The following PPFIA1 variants were observed in gnomAD, a reference collection of about 807,000 sequenced individuals.
PPFIA1 encodes liprin-alpha-1.
In PPFIA1, 25 loss-of-function variants were observed where a neutral mutation model predicts 149.9. The observed-to-expected ratio is 0.17, with a 90% CI of 0.12 to 0.23. PPFIA1 has a LOEUF of 0.23. PPFIA1 is among the 10% of genes least tolerant of loss of function. The probability of loss-of-function intolerance (pLI) is 1.00; values close to 1 mark genes in which losing one functional copy is unlikely to be tolerated. For missense variants in PPFIA1, 1,362 were observed against 1,506.5 expected, an observed-to-expected ratio of 0.90 and a Z score of 1.59; for synonymous variants, 549 against 552.8, an observed-to-expected ratio of 0.99 and a Z score of 0.10.
Position 70,344,988 on chromosome 11 carries a change from G to A in PPFIA1, c.1931+1096G>A, listed in dbSNP as rs573763192. ...AGACCCAACTGGGGCAGGAGGCCTC[G>A]GGGCCATCAGCCACCACTTGGAACT... On this transcript the variant is annotated intron_variant, in intron 15 of 27. Transcript: ENST00000253925. Among the ~76,000 whole-genome samples the A allele has an allele frequency of 4.5e-4, 68 of 152,052 alleles. No homozygotes were observed. The South Asian group carries it at 6.9e-3, about 15-fold the overall frequency.
intron 19 of PPFIA1, among the ~76,000 whole-genome samples, 183 bp downstream of exon 19, chr11:70,356,437 A>G (rs1381465600): frequency 6.6e-6 from 1 of 152,108 alleles, no homozygotes. Context: ...TTTCGAAGAA[A>G]CTCACACTGG....
At chr11:70,333,412 C>T in intron 9 of PPFIA1, 58 bp from the exon 10 acceptor site, 1 of 1,365,024 alleles carries the variant, frequency 7.3e-7, no homozygotes. Flanking sequence ...CAGTGGTATG[C>T]AGCATGTCGT....
At position 70,355,702 on chromosome 11, in the gene PPFIA1, G is replaced by A. The variant is rs550694136; in HGVS notation, c.2379G>A (p.Ser793=). The A allele has an allele frequency of 3.1e-6, 5 of 1,614,086 alleles. No individual in the cohort carries two copies. The East Asian group carries it at 1.1e-4, about 36-fold the overall frequency. ...GCAGTAGCAACAGTAGCCAGGACTC[G>A]CTCCACAAAGCCCCAAAGAAGAAAG... is the stretch of plus-strand genomic sequence containing the variant. ...NPSSSNSSQD[S]LHKAPKKKGI... Residue 793 remains serine, a synonymous_variant, in exon 18 of 28, where the codon TCG becomes TCA. Transcript: ENST00000253925.
intron 26 of PPFIA1, among the ~76,000 whole-genome samples, chr11:70,380,735 C>CAA (rs113647001): frequency 4.8e-5 from 5 of 104,162 alleles, no homozygotes; most frequent in Non-Finnish European, 6.5e-5. Context: ...AACTCTGTCT[C>CAA]AAAAAAAAAA....
intron 21 of PPFIA1, among the ~76,000 whole-genome samples, chr11:70,367,020 C>T (rs1171014657): frequency 6.6e-6 from 1 of 152,090 alleles, no homozygotes; most frequent in Non-Finnish European, 1.5e-5. Context: ...ATGAATTATA[C>T]AGGGTACATT....
At chr11:70,283,497 C>T (rs2050901749) in intron 2 of PPFIA1, among the ~76,000 whole-genome samples, 1 of 152,156 alleles carries the variant, frequency 6.6e-6, no homozygotes, top group Non-Finnish European at 1.5e-5. Context: ...AAAAAGAAGT[C>T]TACCTGTGTC....
At chr11:70,341,614 A>G (rs1200664170) in intron 14 of PPFIA1, among the ~76,000 whole-genome samples, 1 of 152,176 alleles carries the variant, frequency 6.6e-6, no homozygotes. Context: ...ATCTAGAACT[A>G]GAGATGAAAA....
intron 8 of PPFIA1, 46 bp downstream of exon 8, chr11:70,330,365 T>C: frequency 6.7e-7 from 1 of 1,492,264 alleles, no homozygotes; most frequent in Non-Finnish European, 9.0e-7. Flanking sequence ...TAATTATTAA[T>C]GAAGTTAAAG....
intron 2 of PPFIA1, among the ~76,000 whole-genome samples, chr11:70,275,862 C>T (rs757007380): frequency 1.3e-5 from 2 of 152,194 alleles, no homozygotes; most frequent in Non-Finnish European, 2.9e-5. Context: ...GTTGCCCAGA[C>T]TAGTCTCCAA....
chr11:70,373,975 G>T (rs2057379432), intron 23 of PPFIA1: 1 of 152,190 alleles, frequency 6.6e-6, no homozygotes, highest in Non-Finnish European at 1.5e-5. Context: ...AATAGACAAA[G>T]ATCTTTGGAA....
At chr11:70,323,343 C>G (rs973611113) in intron 2 of PPFIA1, among the ~76,000 whole-genome samples, 5 of 152,234 alleles carry the variant, frequency 3.3e-5, no homozygotes, top group Non-Finnish European at 7.3e-5. Flanking sequence ...CAGCTACCGT[C>G]TTACAGAGCC....
intron 7 of PPFIA1, 103 bp downstream of exon 7, chr11:70,326,921 C>T: frequency 1.1e-6 from 1 of 932,974 alleles, no homozygotes; most frequent in Non-Finnish European, 1.6e-6. Flanking sequence ...CTCCCAATTA[C>T]TTTCAACCTT....
intron 8 of PPFIA1, among the ~76,000 whole-genome samples, chr11:70,331,304 T>TA (rs966173732): frequency 5.3e-5 from 8 of 152,094 alleles, no homozygotes. Context: ...AAACCATACT[T>TA]ATTCTTGTAA....
intron 2 of PPFIA1, among the ~76,000 whole-genome samples, chr11:70,283,761 G>C (rs1298768499): frequency 6.6e-6 from 1 of 151,344 alleles, no homozygotes; most frequent in Non-Finnish European, 1.5e-5. Context: ...GGTCAAGCTT[G>C]CGGGGAGAAG....
chr11:70,344,457 G>A (rs878971487), intron 15 of PPFIA1, among the ~76,000 whole-genome samples: 1 of 152,210 alleles, frequency 6.6e-6, no homozygotes, highest in Non-Finnish European at 1.5e-5. Flanking sequence ...GGTGGGAAGC[G>A]GGAGGAAGGG....
intron 2 of PPFIA1, among the ~76,000 whole-genome samples, chr11:70,280,264 A>G (rs1005245821): frequency 6.6e-6 from 1 of 150,504 alleles, no homozygotes; most frequent in African/African-American, 2.4e-5. Context: ...ATATATGTAT[A>G]TAAAAATTTT....
chr11:70,357,485 A>G (rs1352069218), intron 19 of PPFIA1, among the ~76,000 whole-genome samples: 2 of 152,190 alleles, frequency 1.3e-5, no homozygotes, highest in East Asian at 3.8e-4. Flanking sequence ...TAACAGTACC[A>G]TAGGAATACT....
intron 17 of PPFIA1, 85 bp from the exon 18 acceptor site, chr11:70,355,554 A>C (rs2056315985): frequency 6.3e-6 from 8 of 1,266,286 alleles, no homozygotes; most frequent in Non-Finnish European, 1.1e-6. Flanking sequence ...AGAGACTGGA[A>C]GTGCTTGTAG....
intron 26 of PPFIA1, among the ~76,000 whole-genome samples, chr11:70,380,383 C>T (rs111303486): frequency 4.0e-5 from 6 of 149,594 alleles, no homozygotes; most frequent in Non-Finnish European, 5.9e-5. Flanking sequence ...CTGGCTAACA[C>T]GGTGAAACTC....
Sources: gnomAD v4.1 joint callset for allele counts (sites outside exome capture counted in the v4.1 genomes callset) on GRCh38, gnomAD v4.1.1 for gene constraint, MANE v1.5 for transcripts, NCBI Gene and HGNC (gene_info 2026-07-23, HGNC 2026-07-21) for gene names.